TEC: variants seen among roughly 807,000 people sequenced by gnomAD.
The protein encoded by TEC is tyrosine-protein kinase Tec.
TEC carries 72 observed loss-of-function variants against 93.0 expected under a neutral mutation model. That is an observed-to-expected ratio of 0.77 (90% confidence interval 0.64 to 0.94). TEC has a LOEUF of 0.94. Ranked by LOEUF, TEC falls within the 40% of genes least tolerant of loss-of-function variation. The pLI, the probability that TEC is intolerant of heterozygous loss-of-function variation, is 0.00. For synonymous variants in TEC, 249 were observed against 247.7 expected (o/e 1.01, Z -0.05); for missense variants, 630 against 757.9 (o/e 0.83, Z 1.98).
intron 10 of TEC, among the ~76,000 whole-genome samples, chr4:48,150,037 A>C (rs1259976311): frequency 6.6e-6 from 1 of 152,200 alleles, no homozygotes; most frequent in African/African-American, 2.4e-5. Context: ...CACTTAAATC[A>C]CCAATAGTGA....
In TEC at chr4:48,211,416, A is replaced by AT. The variant is rs1265117941; in HGVS notation, c.138+17060_138+17061insA. ...AAAAATCACTCTGAGGTTCAAAAAAAATTTTTTTAATTATATCTGATCATT... is the reference window on the plus strand; with the variant it reads ...AAAAATCACTCTGAGGTTCAAAAAAATATTTTTTTAATTATATCTGATCATT... On this transcript the variant is annotated intron_variant, in intron 2 of 17. Coordinates refer to ENST00000381501, the MANE Select transcript of TEC (RefSeq NM_003215.3). 4.2e-4 allele frequency among the ~76,000 whole-genome samples: 38 copies of AT among 91,432 alleles called. No homozygotes were observed. In the East Asian group the frequency reaches 4.8e-3, roughly 12 times the overall value. 60.0% of individuals were successfully genotyped at this position (91,432 alleles called of 152,430 possible). A position where few individuals can be genotyped will look rare whatever the true frequency, so the allele number is the denominator to read the frequency against.
intron 9 of TEC, among the ~76,000 whole-genome samples, chr4:48,155,311 G>T (rs1329575205): frequency 6.6e-6 from 1 of 152,232 alleles, no homozygotes; most frequent in Non-Finnish European, 1.5e-5. Flanking sequence ...ATAAATGGGA[G>T]CCAGTATAAC....
Position 48,145,079 on chromosome 4 carries a change from C to T in TEC, c.1470G>A (p.Leu490=). 1 of 1,613,810 alleles carries T rather than the reference C, an allele frequency of 6.2e-7. No individual in the cohort carries two copies. The highest frequency in any genetic ancestry group is 8.5e-7 in the Non-Finnish European group (1 of 1,179,772). Residue 490 remains leucine, a splice_region_variant and synonymous_variant, in exon 14 of 18, where the codon CTG becomes CTA. Coordinates refer to ENST00000381501, the MANE Select transcript of TEC (RefSeq NM_003215.3). ...TGGGAATATGGGTGGCTAGGGTTAC[C>T]AGATCTCTGTGGATGAAGCTGTTTC... ...LERNSFIHRD[L]AARNCLVSEA...
intron 1 of TEC, among the ~76,000 whole-genome samples, chr4:48,258,826 A>G (rs534175128): frequency 4.6e-5 from 7 of 152,280 alleles, no homozygotes; most frequent in African/African-American, 1.4e-4. Context: ...TTTGTCTGAC[A>G]TGGTTACCCT....
At chr4:48,232,213 G>A (rs35912788) in intron 1 of TEC, among the ~76,000 whole-genome samples, 21,339 of 151,740 alleles carry the variant, frequency 0.14, 1,907 homozygotes, top group Non-Finnish European at 0.2. Context: ...CGTTTGAACC[G>A]GGGAGGCAGA....
chr4:48,149,826 T>C (rs1346211030), intron 10 of TEC, 136 bp from the exon 11 acceptor site: 3 of 764,308 alleles, frequency 3.9e-6, no homozygotes, highest in East Asian at 6.3e-5. Context: ...TACTTTCCCC[T>C]TGTTCTTCTT....
intron 2 of TEC, among the ~76,000 whole-genome samples, chr4:48,202,521 G>A (rs951072831): frequency 3.3e-5 from 5 of 151,864 alleles, no homozygotes; most frequent in East Asian, 1.9e-4. Context: ...AGCCAAAATC[G>A]CCCCACTGCA....
intron 2 of TEC, among the ~76,000 whole-genome samples, chr4:48,222,121 A>G (rs1021525557): frequency 6.6e-6 from 1 of 152,208 alleles, no homozygotes; most frequent in Non-Finnish European, 1.5e-5. Flanking sequence ...GGCACTCAAC[A>G]AATTTTTGAA....
chr4:48,212,947 CA>C (rs1344737061), intron 2 of TEC, among the ~76,000 whole-genome samples: 1 of 152,120 alleles, frequency 6.6e-6, no homozygotes, highest in African/African-American at 2.4e-5. Flanking sequence ...CTTTGTTGTA[CA>C]AGTGATGAAG....
chr4:48,259,000 C>T (rs937176945), intron 1 of TEC, among the ~76,000 whole-genome samples: 4 of 152,118 alleles, frequency 2.6e-5, no homozygotes, highest in South Asian at 2.1e-4. Context: ...TTAAATTTAC[C>T]GTGAGTCTAA....
intron 2 of TEC, among the ~76,000 whole-genome samples, chr4:48,188,079 T>C (rs4694887): frequency 0.66 from 99,849 of 151,990 alleles, 32,839 homozygotes; most frequent in Admixed American, 0.75. Flanking sequence ...TCCCATCCTC[T>C]AAAACCTTTC....
intron 1 of TEC, among the ~76,000 whole-genome samples, chr4:48,232,398 A>G (rs1213542445): frequency 6.6e-6 from 1 of 152,224 alleles, no homozygotes; most frequent in East Asian, 1.9e-4. Context: ...CTTAGTCACC[A>G]TCTATCTCCC....
intron 8 of TEC, among the ~76,000 whole-genome samples, chr4:48,163,449 A>G (rs1356883601): frequency 1.3e-5 from 2 of 152,190 alleles, no homozygotes; most frequent in Non-Finnish European, 2.9e-5. Context: ...TTTATTTCAA[A>G]TCAATTCAAT....
Position 48,136,116 on chromosome 4 carries a change from G to A in TEC, c.*1300C>T, listed in dbSNP as rs780110959. The A allele has an allele frequency of 6.6e-6, 1 of 152,184 alleles. No individual in the cohort carries two copies. The highest frequency in any genetic ancestry group is 1.9e-4 in the East Asian group (1 of 5,196). 9.4% of individuals were successfully genotyped at this position (152,184 alleles called of 1,614,324 possible). On this transcript the variant is annotated 3_prime_UTR_variant, in exon 18 of 18. Transcript: ENST00000381501. ...TGGATGACTGATACAGTTTCTTTTC[G>A]CTGGCGCTCACGTGACCGAGATAGT...
At chr4:48,146,583 AGT>A (rs1347776157) in intron 11 of TEC, among the ~76,000 whole-genome samples, 184 bp from the exon 12 acceptor site, 1 of 152,168 alleles carries the variant, frequency 6.6e-6, no homozygotes, top group Non-Finnish European at 1.5e-5. Flanking sequence ...TAAATACTAC[AGT>A]GTTTAACAGG....
At chr4:48,204,348 T>G (rs1181943592) in intron 2 of TEC, among the ~76,000 whole-genome samples, 1 of 152,202 alleles carries the variant, frequency 6.6e-6, no homozygotes, top group African/African-American at 2.4e-5. Context: ...AGTTTTCTGG[T>G]AGGCAACATC....
At chr4:48,235,403 C>G (rs1042393357) in intron 1 of TEC, among the ~76,000 whole-genome samples, 12 of 152,120 alleles carry the variant, frequency 7.9e-5, no homozygotes, top group African/African-American at 2.9e-4. Flanking sequence ...AAATGATTCC[C>G]TCTGAAAATC....
intron 3 of TEC, among the ~76,000 whole-genome samples, chr4:48,172,524 CCCCTCGG>C (rs1428041492): frequency 6.6e-6 from 1 of 151,938 alleles, no homozygotes; most frequent in Non-Finnish European, 1.5e-5. Flanking sequence ...AACCTGGAAC[CCCCTCGG>C]CTCAAGTGAT....
intron 5 of TEC, among the ~76,000 whole-genome samples, chr4:48,169,190 G>A (rs1192068091): frequency 1.3e-5 from 2 of 152,202 alleles, no homozygotes; most frequent in African/African-American, 4.8e-5. Context: ...GAGAGAGACT[G>A]CTAGAGCTGG....
Sources: gnomAD v4.1 joint callset for allele counts (sites outside exome capture counted in the v4.1 genomes callset) on GRCh38, gnomAD v4.1.1 for gene constraint, MANE v1.5 for transcripts, NCBI Gene and HGNC (gene_info 2026-07-23, HGNC 2026-07-21) for gene names.